Variants in SPATA13 observed in about 807,000 individuals in gnomAD.
SPATA13 encodes the protein spermatogenesis associated 13, also known as spermatogenesis-associated protein 13.
Under a neutral mutation model 104.0 loss-of-function variants are expected in SPATA13, and 50 were observed. That is an observed-to-expected ratio of 0.48 (90% CI 0.38 to 0.61). The LOEUF (loss-of-function observed/expected upper bound fraction) is 0.61, where lower values mean the gene tolerates loss of function less well. Among genes scored for constraint, SPATA13 ranks in the 20% least tolerant of loss-of-function variants. The probability of loss-of-function intolerance (pLI) is 0.00; values close to 1 mark genes in which losing one functional copy is unlikely to be tolerated. For synonymous variants in SPATA13, 606 were observed against 667.5 expected, an observed-to-expected ratio of 0.91 and a Z score of 1.42; for missense variants, 1,524 against 1,690.6, an observed-to-expected ratio of 0.90 and a Z score of 1.73.
chr13:24,077,917 C>T (rs559725171), intron 3 of SPATA13, among the ~76,000 whole-genome samples: 1 of 152,298 alleles, frequency 6.6e-6, no homozygotes, highest in South Asian at 2.1e-4. Flanking sequence ...CCACATCCTT[C>T]TCTCTTGCAG....
At chr13:24,018,707 A>G (rs1003535018) in intron 3 of SPATA13, among the ~76,000 whole-genome samples, 2 of 152,016 alleles carry the variant, frequency 1.3e-5, no homozygotes, top group Non-Finnish European at 2.9e-5. Context: ...TTGACTTTTC[A>G]TTTGCTATTT....
intron 3 of SPATA13, among the ~76,000 whole-genome samples, chr13:24,075,850 C>T (rs9553159): frequency 0.14 from 22,056 of 152,144 alleles, 1,951 homozygotes; most frequent in East Asian, 0.3. Flanking sequence ...TTTGCCGCCA[C>T]GCTGTCTCCC....
At chr13:24,249,438 C>G in intron 2 of SPATA13, 39 bp from the exon 3 acceptor site, 1 of 1,474,176 alleles carries the variant, frequency 6.8e-7, no homozygotes, top group Non-Finnish European at 9.0e-7. Context: ...TAATACCTTC[C>G]TGGATATTGA....
chr13:24,229,381 C>A (rs1024271823), intron 2 of SPATA13, among the ~76,000 whole-genome samples: 1 of 152,170 alleles, frequency 6.6e-6, no homozygotes, highest in African/African-American at 2.4e-5. Context: ...TTAAAAGATC[C>A]CTGGCAACCG....
intron 1 of SPATA13, among the ~76,000 whole-genome samples, chr13:24,183,889 G>T (rs1868969288): frequency 6.6e-6 from 1 of 152,074 alleles, no homozygotes; most frequent in South Asian, 2.1e-4. Flanking sequence ...ATAATCACGG[G>T]CGCTTCCTCA....
rs1870672150 is a variant in SPATA13, at chr13:24,205,838, GATACCCTATTTAATAAAT to G, written c.-111-16980_-111-16963del. The stretch of plus-strand genomic sequence containing the variant: ...GACCAAAAACAAGCAATGGAGAAAG[GATACCCTATTTAATAAAT>G]GGTGCTCGGAGAACAAGCTAGCAGA... On this transcript the variant is annotated intron_variant, in intron 1 of 12. Coordinates refer to ENST00000382108, the MANE Select transcript of SPATA13 (RefSeq NM_001166271.3). This position sits in a 1 kb window ranked among gnomAD's most constrained non-coding sequence, Gnocchi z 4.1. Among the ~76,000 whole-genome samples the G allele has an allele frequency of 6.6e-6, 1 of 152,102 alleles. No homozygotes were observed. The highest frequency in any genetic ancestry group is 6.5e-5 in the Admixed American group (1 of 15,270).
At chr13:24,301,726 C>T (rs959457325) in intron 12 of SPATA13, among the ~76,000 whole-genome samples, 19 of 152,332 alleles carry the variant, frequency 1.2e-4, no homozygotes, top group African/African-American at 4.6e-4. Flanking sequence ...CAGGGCCCAC[C>T]CTCTTCGTGC....
chr13:24,022,515 G>C (rs1249086199), intron 3 of SPATA13, among the ~76,000 whole-genome samples: 1 of 152,146 alleles, frequency 6.6e-6, no homozygotes, highest in African/African-American at 2.4e-5. Flanking sequence ...AGTTTTGCAA[G>C]ACAAAAACCT....
At chr13:24,209,761 C>T (rs1018218130) in intron 1 of SPATA13, among the ~76,000 whole-genome samples, 4 of 151,768 alleles carry the variant, frequency 2.6e-5, no homozygotes, top group African/African-American at 2.4e-5. Flanking sequence ...GTGTTGATTT[C>T]GTTTTTTTGG....
At chr13:24,268,169 G>A (rs1227731718) in intron 4 of SPATA13, among the ~76,000 whole-genome samples, 2 of 152,214 alleles carry the variant, frequency 1.3e-5, no homozygotes, top group Middle Eastern at 3.2e-3. Flanking sequence ...CTGTCAGTGG[G>A]AACTTTTTAG....
At chr13:24,160,682 T>C (rs112561945), upstream of SPATA13, 21 of 931,648 alleles carry the variant, frequency 2.3e-5, no homozygotes, top group African/African-American at 4.1e-4. Flanking sequence ...GCTGGGGGCG[T>C]GGCCTGGTGG....
chr13:24,278,930 T>TTCCTTCCTTCATTCCTTCCC, intron 4 of SPATA13: 1 of 552,064 alleles, frequency 1.8e-6, no homozygotes, highest in Non-Finnish European at 2.6e-6. Flanking sequence ...CCTTCCCTCT[T>TTCCTTCCTTCATTCCTTCCC]TCCTTCCTTC....
chr13:23,991,696 T>G (rs1419356119), intron 2 of SPATA13, among the ~76,000 whole-genome samples: 3 of 152,168 alleles, frequency 2.0e-5, no homozygotes, highest in African/African-American at 7.2e-5. Context: ...GTAAATATAC[T>G]TCTCAGCCCC....
chr13:24,202,169 T>C (rs2138573072), intron 1 of SPATA13, among the ~76,000 whole-genome samples: 1 of 152,302 alleles, frequency 6.6e-6, no homozygotes, highest in Non-Finnish European at 1.5e-5. Context: ...AAGTTTATCC[T>C]TGCCTTTTAA....
At chr13:23,995,522 G>A (rs1446359552) in intron 2 of SPATA13, among the ~76,000 whole-genome samples, 5 of 152,168 alleles carry the variant, frequency 3.3e-5, no homozygotes, top group African/African-American at 9.7e-5. Flanking sequence ...ATTGGCAGCC[G>A]TTTTTAGCTC....
chr13:24,255,456 C>T (rs928852785), intron 4 of SPATA13, among the ~76,000 whole-genome samples: 12 of 152,200 alleles, frequency 7.9e-5, no homozygotes, highest in African/African-American at 2.6e-4. Flanking sequence ...CTGGGGACCC[C>T]GAGATCAGTT....
intron 3 of SPATA13, among the ~76,000 whole-genome samples, chr13:24,019,844 T>C (rs980013344): frequency 6.6e-6 from 1 of 152,220 alleles, no homozygotes; most frequent in Non-Finnish European, 1.5e-5. Flanking sequence ...GAGGTCACAT[T>C]AGCGTTCACA....
rs1555267548 is a variant in SPATA13 at position 24,189,682 on chromosome 13, T to TAAAG, written c.-112+28750_-112+28751insAAAG. On this transcript the variant is annotated intron_variant, in intron 1 of 12. Transcript: ENST00000382108. ...TTATATATTTATATATTATATATAT[T>TAAAG]TATATATAATATATAATATATTATA... 1.7e-4 allele frequency among the ~76,000 whole-genome samples: 2 copies of TAAAG among 11,586 alleles called. 1 individual carries two copies. Among genetic ancestry groups the TAAAG allele is most frequent in the Non-Finnish European group, 4.0e-4 (2 of 4,970 alleles). 7.6% of individuals were successfully genotyped at this position (11,586 alleles called of 152,430 possible). A position where few individuals can be genotyped will look rare whatever the true frequency, so the allele number is the denominator to read the frequency against.
At position 24,305,581 on chromosome 13, in the gene SPATA13, G is replaced by A. The variant is rs1877528366; in HGVS notation, c.*2808G>A. The A allele has an allele frequency of 5.9e-5, 9 of 152,204 alleles. No homozygotes were observed. Among genetic ancestry groups the A allele is most frequent in the Admixed American group, 5.9e-4 (9 of 15,280 alleles). The allele number at this position is 152,204 out of a possible 1,614,324, so 9.4% of individuals were successfully genotyped here. On this transcript the variant is annotated 3_prime_UTR_variant, in exon 13 of 13. Coordinates refer to ENST00000382108, the MANE Select transcript of SPATA13 (RefSeq NM_001166271.3). ...TTGAGTCACGTGTTCCACTTGGAAA[G>A]AAAGGGAACAGAGAGCCTCCTCCAT...
Sources: allele counts gnomAD v4.1 joint callset (sites outside exome capture counted in the v4.1 genomes callset), GRCh38; gene constraint gnomAD v4.1.1; non-coding constraint Gnocchi (gnomAD v3.1); transcripts MANE v1.5; gene names NCBI Gene and HGNC (gene_info 2026-07-23, HGNC 2026-07-21).